Variants in LILRB1 observed in about 807,000 individuals in gnomAD.
LILRB1 encodes the protein leukocyte immunoglobulin-like receptor subfamily B member 1.
Under a neutral mutation model 74.6 loss-of-function variants are expected in LILRB1, and 59 were observed. That is an observed-to-expected ratio of 0.79 (90% confidence interval 0.64 to 0.98). The LOEUF (loss-of-function observed/expected upper bound fraction) is 0.98, where lower values mean the gene tolerates loss of function less well. Ranked by LOEUF, LILRB1 falls within the 50% of genes least tolerant of loss-of-function variation. LILRB1 has a pLI of 0.00. For missense variants in LILRB1, 804 were observed against 822.6 expected (o/e 0.98, Z 0.28); for synonymous variants, 328 against 333.9 (o/e 0.98, Z 0.19).
At chr19:54,629,043 C>T (rs970670907), upstream of LILRB1, among the ~76,000 whole-genome samples, 1 of 152,214 alleles carries the variant, frequency 6.6e-6, no homozygotes, top group African/African-American at 2.4e-5. Context: ...GATTGTAATC[C>T]TTGCTTCTCA....
In LILRB1 at chr19:54,634,755, G is replaced by A. The variant is rs2064244802; in HGVS notation, c.1478G>A (p.Trp493Ter). The A allele has an allele frequency of 3.1e-6, 5 of 1,613,730 alleles. No homozygotes were observed. Among genetic ancestry groups the A allele is most frequent in the Non-Finnish European group, 4.2e-6 (5 of 1,179,860 alleles). The change falls in exon 10 of 15, where the codon TGG (tryptophan) becomes TAG (stop). Residue 493 changes from tryptophan to a stop codon, truncating the protein, a stop_gained. Transcript: ENST00000324602. LOFTEE classifies it high-confidence loss of function. The stretch of plus-strand genomic sequence containing the variant: ...CGACATCGACGTCAGGGCAAACACT[G>A]GACATCGAGTGAGTAGGGAATGGGG... Reference protein sequence around the residue: ...ILRHRRQGKHWTSTQRKADFQ... With the variant: ...ILRHRRQGKH
chr19:54,637,542 A>G lies in LILRB1; in HGVS notation c.*664A>G, dbSNP rs1344801423. Reference sequence around the variant, plus strand: ...CCATCTCAAATTAAAAAAAAAAAAAAAAAAGAAAGAAAAAGAGAAAAAAGA... The same window carrying G: ...CCATCTCAAATTAAAAAAAAAAAAAGAAAAGAAAGAAAAAGAGAAAAAAGA... On this transcript the variant is annotated 3_prime_UTR_variant, in exon 15 of 15. Transcript: ENST00000324602. 1.3e-5 allele frequency: 2 copies of G among 151,640 alleles called. No individual in the cohort carries two copies. The highest frequency in any genetic ancestry group is 2.4e-5 in the African/African-American group (1 of 41,346). 9.4% of individuals were successfully genotyped at this position (151,640 alleles called of 1,614,324 possible).
In LILRB1 at chr19:54,633,338, C is replaced by T. The variant is rs753268955; in HGVS notation, c.1261+20C>T. ...TCTCAGGTGGGGGCCTTGACCCTGT[C>T]CTCTCTGAGCTCAAAGTCTCAGCTC... On this transcript the variant is annotated intron_variant, in intron 7 of 14. Transcript: ENST00000324602. 62 of 1,606,448 alleles carry T rather than the reference C, an allele frequency of 3.9e-5. No homozygotes were observed. The highest frequency in any genetic ancestry group is 5.2e-5 in the Non-Finnish European group (61 of 1,175,578).
At chr19:54,635,018 G>A (rs62133428) in intron 10 of LILRB1, 86 bp from the exon 11 acceptor site, 197,664 of 1,356,224 alleles carry the variant, frequency 0.15, 15,602 homozygotes, top group African/African-American at 0.19. Context: ...AGTGTTTTTA[G>A]GTTTCCTTCC....
chr19:54,633,666 A>C lies in LILRB1; in HGVS notation c.1290A>C (p.Thr430=). The C allele has an allele frequency of 3.7e-6, 6 of 1,613,646 alleles. No individual in the cohort carries two copies. Among genetic ancestry groups the C allele is most frequent in the Non-Finnish European group, 5.1e-6 (6 of 1,179,780 alleles). Residue 430 remains threonine, a synonymous_variant, in exon 8 of 15, where the codon ACA becomes ACC. Transcript: ENST00000324602. The part of the protein sequence containing the change: ...SGPSGGPSSP[T]TGPTSTSAGP... Reference sequence around the variant, plus strand: ...CGTCTGGGGGCCCCAGCTCCCCGACAACAGGCCCCACCTCCACATCTGGTG... The same window carrying C: ...CGTCTGGGGGCCCCAGCTCCCCGACCACAGGCCCCACCTCCACATCTGGTG...
exon 1 of LILRB1, chr19:54,617,339 T>C (rs543760468): frequency 3.3e-5 from 5 of 152,300 alleles, no homozygotes; most frequent in Admixed American, 3.3e-4. Context: ...TTTGTGCACA[T>C]TTACATCAAG....
chr19:54,621,498 C>T (rs1053953098), intron 1 of LILRB1, among the ~76,000 whole-genome samples: 1 of 145,560 alleles, frequency 6.9e-6, no homozygotes, highest in African/African-American at 2.5e-5. Context: ...TGTTGATGGT[C>T]TTTACTCAGT....
At position 54,636,475 on chromosome 19, in the gene LILRB1, C is replaced by G; in HGVS notation, c.1654-19C>G. ...GTCAGGAGGATTCAAGGACACCCCC[C>G]ACCACTGTCTCTCTCCAGCAGAGCC... On this transcript the variant is annotated intron_variant, in intron 13 of 14. Coordinates refer to ENST00000324602, the MANE Select transcript of LILRB1 (RefSeq NM_001081637.3). 2 of 1,608,614 alleles carry G rather than the reference C, an allele frequency of 1.2e-6. No individual in the cohort carries two copies. Among genetic ancestry groups the G allele is most frequent in the Non-Finnish European group, 1.7e-6 (2 of 1,178,886 alleles).
At chr19:54,622,601 A>G (rs1306672162) in intron 1 of LILRB1, among the ~76,000 whole-genome samples, 1 of 152,206 alleles carries the variant, frequency 6.6e-6, no homozygotes, top group Non-Finnish European at 1.5e-5. Context: ...TGGGTATATG[A>G]TCGTGTCATC....
intron 1 of LILRB1, among the ~76,000 whole-genome samples, chr19:54,620,362 AT>A (rs906647739): frequency 2.7e-5 from 4 of 150,152 alleles, no homozygotes; most frequent in African/African-American, 7.3e-5. Context: ...CAAATTCTTA[AT>A]TTTTTTTTTG....
At chr19:54,631,887 C>T (rs764478375) in intron 4 of LILRB1, 48 bp from the exon 5 acceptor site, 13 of 1,606,306 alleles carry the variant, frequency 8.1e-6, no homozygotes, top group African/African-American at 6.7e-5. Context: ...CTGGGGATGA[C>T]GCGGGTGGTC....
intron 9 of LILRB1, 104 bp from the exon 10 acceptor site, chr19:54,634,537 T>C: frequency 6.6e-7 from 1 of 1,520,648 alleles, no homozygotes; most frequent in Non-Finnish European, 8.9e-7. Flanking sequence ...GCACGACTGT[T>C]GTGGGGGTTG....
chr19:54,634,250 C>T (rs2064184917), intron 9 of LILRB1: 1 of 1,513,952 alleles, frequency 6.6e-7, no homozygotes, highest in Admixed American at 2.1e-5. Flanking sequence ...AGGGAACCTC[C>T]CAGACCCGAT....
chr19:54,632,572 T>C lies in LILRB1; in HGVS notation c.770T>C (p.Leu257Pro), dbSNP rs758861113. The change falls in exon 6 of 15, where the codon CTG (leucine) becomes CCG (proline). Residue 257 changes from leucine to proline, a missense_variant. Leu to Pro is a moderately conservative substitution (Grantham distance 98). Coordinates refer to ENST00000324602, the MANE Select transcript of LILRB1 (RefSeq NM_001081637.3). ...GSDAGYNRFV[L>P]YKDGERDFLQ... is the part of the protein sequence containing the mutation. ...GATGCTGGCTACAACAGATTTGTTCTGTATAAGGACGGGGAACGTGACTTC... is the reference window on the plus strand; with the variant it reads ...GATGCTGGCTACAACAGATTTGTTCCGTATAAGGACGGGGAACGTGACTTC... The C allele has an allele frequency of 1.2e-6, 2 of 1,614,140 alleles. No homozygotes were observed. The highest frequency in any genetic ancestry group is 1.7e-6 in the Non-Finnish European group (2 of 1,180,004).
At chr19:54,616,455 G>A (rs537346072), upstream of LILRB1, among the ~76,000 whole-genome samples, 1 of 152,234 alleles carries the variant, frequency 6.6e-6, no homozygotes, top group Admixed American at 6.5e-5. Flanking sequence ...CCTCAGATAA[G>A]ACTCAGGACC....
At chr19:54,627,913 A>G (rs562091410), upstream of LILRB1, among the ~76,000 whole-genome samples, 1 of 152,326 alleles carries the variant, frequency 6.6e-6, no homozygotes, top group African/African-American at 2.4e-5. Flanking sequence ...TAGCACTTGA[A>G]CATAAATTTA....
Position 54,635,357 on chromosome 19 carries a change from C to T in LILRB1, c.1600+61C>T, listed in dbSNP as rs574004916. ...GATGGGGGCCCCGAAGTTTCCGTAG[C>T]AATGGGGAAAGGGGCGCTGGCTGGA... On this transcript the variant is annotated intron_variant, in intron 12 of 14. Coordinates refer to ENST00000324602, the MANE Select transcript of LILRB1 (RefSeq NM_001081637.3). 3.7e-6 allele frequency: 6 copies of T among 1,600,940 alleles called. No individual in the cohort carries two copies. The South Asian group carries it at 6.6e-5, about 18-fold the overall frequency.
In LILRB1 at chr19:54,633,130, C is replaced by G. The variant is rs1215162310; in HGVS notation, c.1073C>G (p.Thr358Ser). ...SQGWMQTFLL[T>S]KEGAADDPWR... Reference sequence around the variant, plus strand: ...GGATGGATGCAAACTTTCCTTCTGACCAAGGAGGGGGCAGCTGATGACCCA... The same window carrying G: ...GGATGGATGCAAACTTTCCTTCTGAGCAAGGAGGGGGCAGCTGATGACCCA... Residue 358 changes from threonine (T) to serine (S), a missense_variant, in exon 7 of 15, where the codon ACC becomes AGC. Transcript: ENST00000324602. 1 of 1,614,260 alleles carries G rather than the reference C, an allele frequency of 6.2e-7. No homozygotes were observed. The highest frequency in any genetic ancestry group is 1.7e-5 in the Admixed American group (1 of 60,036).
chr19:54,634,211 C>A, intron 9 of LILRB1, 190 bp downstream of exon 9: 14 of 1,497,426 alleles, frequency 9.3e-6, no homozygotes, highest in Non-Finnish European at 1.3e-5. Context: ...TGACTCCCAG[C>A]TGTGACCTCC....
Sources: allele counts gnomAD v4.1 joint callset (sites outside exome capture counted in the v4.1 genomes callset), GRCh38; gene constraint gnomAD v4.1.1; transcripts MANE v1.5; gene names NCBI Gene and HGNC (gene_info 2026-07-23, HGNC 2026-07-21).